Variants in FOXJ3 observed in about 807,000 individuals in gnomAD.
FOXJ3 encodes forkhead box protein J3.
FOXJ3 carries 22 observed loss-of-function variants against 76.1 expected under a neutral mutation model. The observed-to-expected ratio is 0.29, with a 90% CI of 0.21 to 0.41. FOXJ3 has a LOEUF of 0.41. Ranked by LOEUF, FOXJ3 falls within the 10% of genes least tolerant of loss-of-function variation. The pLI, the probability that FOXJ3 is intolerant of heterozygous loss-of-function variation, is 1.00. For synonymous variants in FOXJ3, 269 were observed against 261.2 expected (o/e 1.03, Z -0.29); for missense variants, 613 against 762.1 (o/e 0.80, Z 2.30).
Position 42,248,451 on chromosome 1 carries a change from G to A in FOXJ3, c.444+16664C>T, listed in dbSNP as rs185938720. On this transcript the variant is annotated intron_variant, in intron 4 of 12. Transcript: ENST00000361346. ...CGGGAGGCTGAGGCAGGAGAATGGC[G>A]TGAACCCGGGAGGCGGAGTTTGCAG... is the stretch of plus-strand genomic sequence containing the variant. Among the ~76,000 whole-genome samples, 655 of 151,416 alleles carry A rather than the reference G, an allele frequency of 4.3e-3. 7 individuals are homozygous for A. Among genetic ancestry groups the A allele is most frequent in the African/African-American group, 0.015 (626 of 41,226 alleles).
intron 9 of FOXJ3, chr1:42,189,887 C>G (rs1313093170): frequency 6.5e-6 from 1 of 154,474 alleles, no homozygotes; most frequent in Non-Finnish European, 1.4e-5. Context: ...AGAGGCAACA[C>G]ATAGTACAAT....
intron 4 of FOXJ3, among the ~76,000 whole-genome samples, chr1:42,251,701 CCAGT>C (rs992549176): frequency 7.6e-6 from 1 of 132,252 alleles, no homozygotes; most frequent in African/African-American, 2.9e-5. Context: ...ATTCGGTTTG[CCAGT>C]ATTTTTTTTT....
At chr1:42,191,777 T>C in intron 8 of FOXJ3, 58 bp from the exon 9 acceptor site, 2 of 1,558,064 alleles carry the variant, frequency 1.3e-6, no homozygotes, top group Non-Finnish European at 1.8e-6. Context: ...ATGACAAACA[T>C]TTGTAAAATT....
chr1:42,188,545 T>C (rs183853684), intron 11 of FOXJ3, among the ~76,000 whole-genome samples, 192 bp downstream of exon 11: 4 of 152,196 alleles, frequency 2.6e-5, no homozygotes, highest in South Asian at 2.1e-4. Context: ...CAGAAAAACA[T>C]AGTCTCATTA....
chr1:42,242,515 A>G (rs560225880), intron 4 of FOXJ3, among the ~76,000 whole-genome samples: 108 of 151,968 alleles, frequency 7.1e-4, no homozygotes, highest in African/African-American at 2.6e-3. Flanking sequence ...TCAAGCAGAA[A>G]GAAGAATCTC....
At chr1:42,320,591 A>T (rs1232431927) in intron 1 of FOXJ3, among the ~76,000 whole-genome samples, 1 of 152,234 alleles carries the variant, frequency 6.6e-6, no homozygotes, top group Non-Finnish European at 1.5e-5. Flanking sequence ...ATTAGATCAC[A>T]TTATATGTTT....
chr1:42,211,241 C>T (rs1220340481), intron 5 of FOXJ3, among the ~76,000 whole-genome samples: 1 of 152,138 alleles, frequency 6.6e-6, no homozygotes, highest in Non-Finnish European at 1.5e-5. Flanking sequence ...TCGTGGAACA[C>T]TTTGGGGTAA....
chr1:42,291,095 C>CAGACAGACAGACAGACAGAT (rs373400153), intron 2 of FOXJ3, among the ~76,000 whole-genome samples: 14 of 145,360 alleles, frequency 9.6e-5, no homozygotes, highest in African/African-American at 3.1e-4. Context: ...GACAGACAGA[C>CAGACAGACAGACAGACAGAT]AGACAGATAG....
chr1:42,245,032 T>G (rs1424718488), intron 4 of FOXJ3, among the ~76,000 whole-genome samples: 1 of 151,954 alleles, frequency 6.6e-6, no homozygotes, highest in African/African-American at 2.4e-5. Flanking sequence ...GTACAAACAT[T>G]AGCTGGGCAT....
intron 3 of FOXJ3, among the ~76,000 whole-genome samples, chr1:42,265,623 T>C (rs952918883): frequency 1.3e-5 from 2 of 152,208 alleles, no homozygotes; most frequent in Non-Finnish European, 2.9e-5. Flanking sequence ...AAATTAAAGA[T>C]GATGACTATT....
intron 4 of FOXJ3, among the ~76,000 whole-genome samples, chr1:42,262,425 T>G (rs770369739): frequency 6.6e-6 from 1 of 152,250 alleles, no homozygotes; most frequent in Admixed American, 6.5e-5. Flanking sequence ...AGTGGAATTT[T>G]GTGTTTTCTT....
chr1:42,307,159 T>C (rs1210056513), intron 2 of FOXJ3, among the ~76,000 whole-genome samples: 1 of 152,254 alleles, frequency 6.6e-6, no homozygotes, highest in African/African-American at 2.4e-5. Context: ...TCTTCAGCCC[T>C]ATAGCAGCAG....
At chr1:42,210,497 A>T (rs1024030543) in intron 5 of FOXJ3, among the ~76,000 whole-genome samples, 2 of 152,100 alleles carry the variant, frequency 1.3e-5, no homozygotes, top group African/African-American at 4.8e-5. Flanking sequence ...CCATTACAAC[A>T]TCTGCAGGGA....
intron 11 of FOXJ3, among the ~76,000 whole-genome samples, chr1:42,188,190 A>C (rs1239098153): frequency 3.9e-5 from 6 of 152,212 alleles, no homozygotes; most frequent in African/African-American, 1.4e-4. Flanking sequence ...AAAAATGTGC[A>C]ATCAGAGTAG....
intron 4 of FOXJ3, among the ~76,000 whole-genome samples, chr1:42,235,318 A>G (rs761492669): frequency 1.4e-4 from 22 of 152,170 alleles, no homozygotes; most frequent in Non-Finnish European, 2.8e-4. Context: ...TTCTTTGACT[A>G]GGAAAGGGAA....
chr1:42,191,969 A>G (rs1421415529), intron 8 of FOXJ3, among the ~76,000 whole-genome samples: 1 of 152,222 alleles, frequency 6.6e-6, no homozygotes, highest in Non-Finnish European at 1.5e-5. Context: ...GCTAAAGTAT[A>G]CAGAGGATTA....
chr1:42,261,736 G>A (rs1651054661), intron 4 of FOXJ3, among the ~76,000 whole-genome samples: 1 of 152,166 alleles, frequency 6.6e-6, no homozygotes, highest in Admixed American at 6.5e-5. Context: ...AAAATCCTAA[G>A]GGGTTATAAA....
intron 4 of FOXJ3, among the ~76,000 whole-genome samples, chr1:42,247,856 G>A (rs1649672236): frequency 6.6e-6 from 1 of 152,152 alleles, no homozygotes; most frequent in South Asian, 2.1e-4. Context: ...CAATCTAAAT[G>A]TTCTTCAGCT....
chr1:42,289,153 CTCT>C (rs1653254904), intron 2 of FOXJ3, among the ~76,000 whole-genome samples: 1 of 151,586 alleles, frequency 6.6e-6, no homozygotes, highest in South Asian at 2.1e-4. Context: ...GTCTTTTGGT[CTCT>C]TCTTATATTT....
Sources: gnomAD v4.1 joint callset for allele counts (sites outside exome capture counted in the v4.1 genomes callset) on GRCh38, gnomAD v4.1.1 for gene constraint, MANE v1.5 for transcripts, NCBI Gene and HGNC (gene_info 2026-07-23, HGNC 2026-07-21) for gene names.